CRPPA: variants seen among roughly 807,000 people sequenced by gnomAD.
The protein encoded by CRPPA is CDP-L-ribitol pyrophosphorylase A, also known as D-ribitol-5-phosphate cytidylyltransferase.
CRPPA carries 43 observed loss-of-function variants against 52.0 expected under a neutral mutation model. The observed-to-expected ratio is 0.83, with a 90% CI of 0.65 to 1.07. The LOEUF is 1.07. Among genes scored for constraint, CRPPA ranks in the 50% least tolerant of loss-of-function variants. The pLI, the probability that CRPPA is intolerant of heterozygous loss-of-function variation, is 0.00. For synonymous variants in CRPPA, 250 were observed against 203.5 expected, an observed-to-expected ratio of 1.23 and a Z score of -1.94; for missense variants, 629 against 551.7, an observed-to-expected ratio of 1.14 and a Z score of -1.40.
intron 8 of CRPPA, among the ~76,000 whole-genome samples, chr7:16,252,742 T>C (rs1003661889): frequency 6.6e-6 from 1 of 152,164 alleles, no homozygotes; most frequent in East Asian, 1.9e-4. Context: ...TCCTGGATTT[T>C]TTTTGGTTGG....
At chr7:16,387,802 C>T (rs1787327698) in intron 2 of CRPPA, among the ~76,000 whole-genome samples, 1 of 152,106 alleles carries the variant, frequency 6.6e-6, no homozygotes, top group South Asian at 2.1e-4. Context: ...AACTAACAGA[C>T]ATCTATTAAA....
At chr7:16,128,215 T>C (rs139937752) in intron 9 of CRPPA, among the ~76,000 whole-genome samples, 5 of 152,080 alleles carry the variant, frequency 3.3e-5, no homozygotes, top group Non-Finnish European at 5.9e-5. Context: ...CAAACCACCA[T>C]GGCACACGTT....
intron 5 of CRPPA, among the ~76,000 whole-genome samples, chr7:16,284,667 T>C (rs1204619043): frequency 1.3e-5 from 2 of 152,142 alleles, no homozygotes; most frequent in Non-Finnish European, 2.9e-5. Flanking sequence ...AATACACCCA[T>C]GTTGGCATCT....
intron 3 of CRPPA, among the ~76,000 whole-genome samples, chr7:16,368,665 A>G (rs1786670928): frequency 6.6e-6 from 1 of 152,156 alleles, no homozygotes; most frequent in Non-Finnish European, 1.5e-5. Flanking sequence ...AACATCAACA[A>G]TTTCATGATC....
chr7:16,161,925 G>A (rs1054401698), intron 9 of CRPPA, among the ~76,000 whole-genome samples: 1 of 152,180 alleles, frequency 6.6e-6, no homozygotes, highest in Non-Finnish European at 1.5e-5. Context: ...AGGGTGCTAT[G>A]TGTCCAGGAA....
chr7:16,123,756 T>TA (rs1782522463), intron 9 of CRPPA, among the ~76,000 whole-genome samples: 1 of 152,182 alleles, frequency 6.6e-6, no homozygotes, highest in African/African-American at 2.4e-5. Context: ...CCGCTTTACT[T>TA]ACAACTTTTC....
chr7:16,301,446 G>C lies in CRPPA; in HGVS notation c.810C>G (p.Leu270=). 2.5e-6 allele frequency: 4 copies of C among 1,612,782 alleles called. No homozygotes were observed. Among genetic ancestry groups the C allele is most frequent in the South Asian group, 1.1e-5 (1 of 90,744 alleles). ...CCTTAATAATCGATTCAGCCGCATA[G>C]AGATCTCGTTTGTAGGTCACCTAAA... ...DLWKVTYKRD[L]YAAESIIKER... The change falls in exon 5 of 10, where the codon CTC becomes CTG. Residue 270 remains leucine, a synonymous_variant. Transcript: ENST00000407010.
intron 9 of CRPPA, among the ~76,000 whole-genome samples, chr7:16,100,119 C>A (rs1782012769): frequency 6.6e-6 from 1 of 152,158 alleles, no homozygotes; most frequent in Admixed American, 6.5e-5. Context: ...CTTCTAACTG[C>A]AATTCTCTTT....
rs952295124 is a variant in CRPPA, at chr7:16,198,339, T to G, written c.1251+17727A>C. Among the ~76,000 whole-genome samples the G allele has an allele frequency of 6.0e-5, 3 of 50,324 alleles. No individual in the cohort carries two copies. In the East Asian group the frequency reaches 2.3e-3, roughly 38 times the overall value. The allele number at this position is 50,324 out of a possible 152,430, so 33.0% of individuals were successfully genotyped here. ...TGGGACCTGCGGGCAGCAATACTGC[T>G]TTGTAAAGCACTGAGATGTTTATAT... On this transcript the variant is annotated intron_variant, in intron 9 of 9. Transcript: ENST00000407010.
chr7:16,364,283 T>G (rs1038035812), intron 3 of CRPPA, among the ~76,000 whole-genome samples: 10 of 152,176 alleles, frequency 6.6e-5, no homozygotes. Context: ...ACAAATATCT[T>G]AAAAAATAAT....
intron 8 of CRPPA, among the ~76,000 whole-genome samples, chr7:16,240,015 C>T (rs753517844): frequency 2.6e-5 from 4 of 151,934 alleles, no homozygotes; most frequent in Non-Finnish European, 5.9e-5. Context: ...TTTCTTTACA[C>T]ATCAGTTACA....
At chr7:16,233,873 G>A (rs1164023087) in intron 8 of CRPPA, among the ~76,000 whole-genome samples, 1 of 152,026 alleles carries the variant, frequency 6.6e-6, no homozygotes, top group Non-Finnish European at 1.5e-5. Flanking sequence ...GGTAACTTTT[G>A]TTCTACTTTA....
chr7:16,184,326 TG>T (rs1221902064), intron 9 of CRPPA, among the ~76,000 whole-genome samples: 1 of 152,210 alleles, frequency 6.6e-6, no homozygotes, highest in Admixed American at 6.5e-5. Flanking sequence ...ATGCATTTCA[TG>T]GAAACATACA....
chr7:16,332,622 A>T (rs988482409), intron 3 of CRPPA, among the ~76,000 whole-genome samples: 54 of 152,144 alleles, frequency 3.5e-4, no homozygotes, highest in South Asian at 4.1e-4. Context: ...CTATGGCAAA[A>T]ACTGAAAGAA....
intron 9 of CRPPA, among the ~76,000 whole-genome samples, chr7:16,173,692 T>C (rs1583407858): frequency 6.6e-6 from 1 of 152,292 alleles, no homozygotes; most frequent in East Asian, 1.9e-4. Flanking sequence ...TAAGAAGCTA[T>C]GTAGGAATTA....
At position 16,207,060 on chromosome 7, in the gene CRPPA, C is replaced by G. The variant is rs190666591; in HGVS notation, c.1251+9006G>C. On this transcript the variant is annotated intron_variant, in intron 9 of 9. Transcript: ENST00000407010. ...TCCGTGAAGAAAGTCCTTTTATAAT[C>G]CCATTGTGATCAAAATCAGAAACAT... Among the ~76,000 whole-genome samples the G allele has an allele frequency of 1.2e-4, 19 of 152,224 alleles. No individual in the cohort carries two copies. The East Asian group carries it at 1.9e-3, about 15-fold the overall frequency.
chr7:16,339,793 T>A (rs1785776340), intron 3 of CRPPA, among the ~76,000 whole-genome samples: 1 of 152,078 alleles, frequency 6.6e-6, no homozygotes, highest in African/African-American at 2.4e-5. Context: ...TGTAAATGCA[T>A]CAACAAAAAG....
chr7:16,197,319 C>T (rs1332619453), intron 9 of CRPPA, among the ~76,000 whole-genome samples: 2 of 152,086 alleles, frequency 1.3e-5, no homozygotes, highest in African/African-American at 4.8e-5. Flanking sequence ...TACTTGAAAC[C>T]CTGAAAAGAA....
At chr7:16,307,801 T>C (rs1784944955) in intron 4 of CRPPA, among the ~76,000 whole-genome samples, 1 of 151,190 alleles carries the variant, frequency 6.6e-6, no homozygotes, top group Admixed American at 6.6e-5. Context: ...CCCCACTGGG[T>C]TGGAACTGTT....
Sources: allele counts gnomAD v4.1 joint callset (sites outside exome capture counted in the v4.1 genomes callset), GRCh38; gene constraint gnomAD v4.1.1; transcripts MANE v1.5; gene names NCBI Gene and HGNC (gene_info 2026-07-23, HGNC 2026-07-21).